Variants in NDST4 observed in about 807,000 individuals in gnomAD.
The protein encoded by NDST4 is N-heparan sulfate sulfotransferase 4.
Under a neutral mutation model 100.8 loss-of-function variants are expected in NDST4, and 63 were observed. The ratio of observed to expected loss-of-function variants is 0.62; its 90% CI spans 0.51 to 0.77. NDST4 has a LOEUF of 0.77. NDST4 is among the 30% of genes least tolerant of loss of function. NDST4 has a pLI of 0.00. For missense variants in NDST4, 943 were observed against 1,018.4 expected (o/e 0.93, Z 1.01); for synonymous variants, 377 against 361.8 (o/e 1.04, Z -0.48).
chr4:114,970,772 G>A (rs1196782921), intron 3 of NDST4, among the ~76,000 whole-genome samples, 188 bp from the exon 4 acceptor site: 1 of 152,072 alleles, frequency 6.6e-6, no homozygotes, highest in Non-Finnish European at 1.5e-5. Flanking sequence ...GATTAGGATG[G>A]GGTGAGTAGG....
chr4:115,027,748 G>T (rs1020231538), intron 2 of NDST4, among the ~76,000 whole-genome samples: 1 of 151,700 alleles, frequency 6.6e-6, no homozygotes, highest in Non-Finnish European at 1.5e-5. Flanking sequence ...AACTTCTTTG[G>T]TAAGCATGTT....
rs757940593 is a variant in NDST4 at position 114,935,164 on chromosome 4, A to G, written c.1536+42T>C. The G allele has an allele frequency of 5.8e-6, 8 of 1,382,878 alleles. No individual in the cohort carries two copies. In the South Asian group the frequency reaches 5.8e-5, roughly 10 times the overall value. 85.7% of individuals were successfully genotyped at this position (1,382,878 alleles called of 1,614,324 possible). ...AGACAGGAAAATAAAACACATTTAA[A>G]AATGCTAATCTTATTGTAAGGTGCA... is the stretch of plus-strand genomic sequence containing the variant. On this transcript the variant is annotated intron_variant, in intron 6 of 13. Coordinates refer to ENST00000264363, the MANE Select transcript of NDST4 (RefSeq NM_022569.3).
chr4:114,980,836 T>C (rs1455496868), intron 2 of NDST4, among the ~76,000 whole-genome samples: 1 of 152,128 alleles, frequency 6.6e-6, no homozygotes, highest in Non-Finnish European at 1.5e-5. Context: ...GTAACTTATT[T>C]ATAAAAATCA....
At chr4:115,074,385 C>T (rs1313103195) in intron 2 of NDST4, among the ~76,000 whole-genome samples, 3 of 151,866 alleles carry the variant, frequency 2.0e-5, no homozygotes, top group Non-Finnish European at 4.4e-5. Context: ...ATATTTTTAG[C>T]ATGTGAAGAT....
At position 115,005,958 on chromosome 4, in the gene NDST4, G is replaced by A. The variant is rs1256292032; in HGVS notation, c.979-28684C>T. 2.7e-5 allele frequency among the ~76,000 whole-genome samples: 4 copies of A among 150,268 alleles called. No homozygotes were observed. In the South Asian group the frequency reaches 6.4e-4, roughly 24 times the overall value. On this transcript the variant is annotated intron_variant, in intron 2 of 13. Transcript: ENST00000264363. ...TGAGGCAGAGAATCGCTTGAACTCG[G>A]GAGGCAGAGCTTGCAGTGAGCTGAG...
intron 4 of NDST4, among the ~76,000 whole-genome samples, chr4:114,939,472 C>G (rs1725701134): frequency 6.6e-6 from 1 of 152,112 alleles, no homozygotes. Context: ...CTTAACTAAT[C>G]ACTTTGTTAG....
At chr4:114,862,222 C>T (rs1439089857) in intron 7 of NDST4, among the ~76,000 whole-genome samples, 4 of 152,138 alleles carry the variant, frequency 2.6e-5, no homozygotes, top group Non-Finnish European at 5.9e-5. Flanking sequence ...GCATCTAAAA[C>T]TCCTACAACA....
At position 115,077,056 on chromosome 4, in the gene NDST4, G is replaced by T; in HGVS notation, c.-20C>A. 6.4e-7 allele frequency: 1 copy of T among 1,564,178 alleles called. No homozygotes were observed. On this transcript the variant is annotated 5_prime_UTR_variant, in exon 2 of 14. Transcript: ENST00000264363. ...ATTCATTTTTTAGAATAATGTTTTG[G>T]AAGCTTTTTCCCAATTTCGTTTCCT...
chr4:114,946,550 G>A (rs1227951073), intron 4 of NDST4, among the ~76,000 whole-genome samples: 1 of 152,194 alleles, frequency 6.6e-6, no homozygotes, highest in African/African-American at 2.4e-5. Flanking sequence ...GACTATTTGA[G>A]AAAGATTATT....
At chr4:114,909,840 C>T (rs755422641) in intron 6 of NDST4, among the ~76,000 whole-genome samples, 8 of 151,912 alleles carry the variant, frequency 5.3e-5, no homozygotes, top group Admixed American at 1.3e-4. Flanking sequence ...ATATGAGTAG[C>T]AAGATATGTT....
intron 11 of NDST4, among the ~76,000 whole-genome samples, chr4:114,837,169 G>A (rs960952009): frequency 2.0e-5 from 3 of 152,080 alleles, no homozygotes; most frequent in African/African-American, 4.8e-5. Flanking sequence ...CTGGAGAGGA[G>A]TTGCAATCAT....
chr4:114,952,156 C>G (rs904557387), intron 4 of NDST4, among the ~76,000 whole-genome samples: 2 of 152,022 alleles, frequency 1.3e-5, no homozygotes, highest in Admixed American at 1.3e-4. Context: ...AGGCTTTACA[C>G]TTACCAAAAA....
intron 4 of NDST4, among the ~76,000 whole-genome samples, chr4:114,958,479 T>A (rs1216838294): frequency 6.6e-6 from 1 of 152,188 alleles, no homozygotes; most frequent in Non-Finnish European, 1.5e-5. Context: ...CTGAGACCAA[T>A]CATCTCCATC....
At chr4:114,928,743 G>A (rs1261775727) in intron 6 of NDST4, among the ~76,000 whole-genome samples, 1 of 152,100 alleles carries the variant, frequency 6.6e-6, no homozygotes, top group Non-Finnish European at 1.5e-5. Context: ...GCTGTTGAAG[G>A]CCCGAATAAA....
intron 1 of NDST4, among the ~76,000 whole-genome samples, chr4:115,108,731 C>A (rs1315700583): frequency 6.6e-6 from 1 of 151,918 alleles, no homozygotes; most frequent in Admixed American, 6.6e-5. Context: ...AAGTCAACAT[C>A]ACTATTTCTC....
At chr4:115,036,308 A>T (rs1728231760) in intron 2 of NDST4, among the ~76,000 whole-genome samples, 1 of 151,348 alleles carries the variant, frequency 6.6e-6, no homozygotes, top group Admixed American at 6.6e-5. Context: ...TATTATTATA[A>T]CTAATCACTG....
intron 10 of NDST4, 23 bp from the exon 11 acceptor site, chr4:114,839,571 A>G: frequency 3.7e-6 from 6 of 1,610,622 alleles, no homozygotes; most frequent in Non-Finnish European, 5.1e-6. Flanking sequence ...AGTCAATTGT[A>G]AAGTTAGATT....
At chr4:115,014,570 G>A (rs536571181) in intron 2 of NDST4, among the ~76,000 whole-genome samples, 1 of 152,154 alleles carries the variant, frequency 6.6e-6, no homozygotes, top group East Asian at 1.9e-4. Context: ...AGATTTTTTA[G>A]TAGGGTTCAG....
In NDST4 at chr4:114,991,552, A is replaced by T. The variant is rs139768558; in HGVS notation, c.979-14278T>A. On this transcript the variant is annotated intron_variant, in intron 2 of 13. Transcript: ENST00000264363. ...GAATACACATTGTATATTCAGAAAAACCTGGCTGCTAAAATGTGACATTCC... is the reference window on the plus strand; with the variant it reads ...GAATACACATTGTATATTCAGAAAATCCTGGCTGCTAAAATGTGACATTCC... Among the ~76,000 whole-genome samples the T allele has an allele frequency of 1.5e-4, 23 of 152,138 alleles. No homozygotes were observed. The East Asian group carries it at 4.2e-3, about 28-fold the overall frequency.
Sources: gnomAD v4.1 joint callset for allele counts (sites outside exome capture counted in the v4.1 genomes callset) on GRCh38, gnomAD v4.1.1 for gene constraint, MANE v1.5 for transcripts, NCBI Gene and HGNC (gene_info 2026-07-23, HGNC 2026-07-21) for gene names.